Variants in PTCHD1 observed in about 807,000 individuals in gnomAD.
PTCHD1 encodes the protein patched domain-containing protein 1.
Under a neutral mutation model 34.6 loss-of-function variants are expected in PTCHD1, and 3 were observed. The ratio of observed to expected loss-of-function variants is 0.09; its 90% CI spans 0.04 to 0.22. PTCHD1 has a LOEUF of 0.22. Among genes scored for constraint, PTCHD1 ranks in the 10% least tolerant of loss-of-function variants. The pLI, the probability that PTCHD1 is intolerant of heterozygous loss-of-function variation, is 1.00. For missense variants in PTCHD1, 504 were observed against 685.5 expected (o/e 0.74, Z 2.96); for synonymous variants, 305 against 283.1 (o/e 1.08, Z -0.77).
intron 1 of PTCHD1, among the ~76,000 whole-genome samples, chrX:23,339,383 G>A (rs1921251228): frequency 9.0e-6 from 1 of 111,639 alleles, no homozygotes; most frequent in Non-Finnish European, 1.9e-5. Context: ...TTCTTCAGGG[G>A]AAACTCAGAA....
rs191176737 is a variant in PTCHD1 at position 23,382,516 on chromosome X, G to A, written c.1012+2265G>A. 6.2e-5 allele frequency among the ~76,000 whole-genome samples: 7 copies of A among 112,532 alleles called. No homozygotes were observed. The Admixed American group carries it at 6.6e-4, about 11-fold the overall frequency. On this transcript the variant is annotated intron_variant, in intron 2 of 2. Coordinates refer to ENST00000379361, the MANE Select transcript of PTCHD1 (RefSeq NM_173495.3). Reference sequence around the variant, plus strand: ...GAAGGATGTAAGAGATGGTAGGATGGAAAGATGCTGTTAGCAGGGAAATGT... The same window carrying A: ...GAAGGATGTAAGAGATGGTAGGATGAAAAGATGCTGTTAGCAGGGAAATGT...
chrX:23,369,982 C>G (rs1381942157), intron 1 of PTCHD1, among the ~76,000 whole-genome samples: 1 of 112,188 alleles, frequency 8.9e-6, no homozygotes, highest in African/African-American at 3.2e-5. Flanking sequence ...GGAAGTTTCA[C>G]TATTTAAAGG....
At chrX:23,354,118 G>A (rs1243465876) in intron 1 of PTCHD1, among the ~76,000 whole-genome samples, 2 of 111,283 alleles carry the variant, frequency 1.8e-5, no homozygotes, top group South Asian at 3.8e-4. Flanking sequence ...GCTTACAGGG[G>A]CTAGATCAGA....
In PTCHD1 at chrX:23,394,397, CACACACACATAG is replaced by C. The variant is rs1922922313; in HGVS notation, c.*222_*233del. On this transcript the variant is annotated 3_prime_UTR_variant, in exon 3 of 3. Transcript: ENST00000379361. ...AAACAAAGGAGTTGTTATGAGAATT[CACACACACATAG>C]ACACACACACACACACACACACACA... The C allele has an allele frequency of 2.9e-6, 1 of 340,146 alleles. No individual in the cohort carries two copies. The highest frequency in any genetic ancestry group is 5.0e-6 in the Non-Finnish European group (1 of 201,291). The allele number at this position is 340,146 out of a possible 1,213,427, so 28.0% of individuals were successfully genotyped here. A position where few individuals can be genotyped will look rare whatever the true frequency, so the allele number is the denominator to read the frequency against.
chrX:23,370,755 T>G (rs897609232), intron 1 of PTCHD1, among the ~76,000 whole-genome samples: 6 of 112,466 alleles, frequency 5.3e-5, no homozygotes, highest in African/African-American at 1.9e-4. Flanking sequence ...ATTTGTATAT[T>G]TTTTGATTTA....
chrX:23,381,256 A>C (rs73205366), intron 2 of PTCHD1, among the ~76,000 whole-genome samples: 6,667 of 112,113 alleles, frequency 0.059, 228 homozygotes, highest in East Asian at 0.26. Context: ...GGTCAAAACA[A>C]AGCCATAGTG....
At chrX:23,371,032 C>A (rs1252669014) in intron 1 of PTCHD1, among the ~76,000 whole-genome samples, 2 of 111,076 alleles carry the variant, frequency 1.8e-5, no homozygotes, top group East Asian at 2.8e-4. Context: ...AGAACAAACA[C>A]TGACGAAAGC....
At chrX:23,357,877 T>C (rs369801842) in intron 1 of PTCHD1, among the ~76,000 whole-genome samples, 53 of 111,391 alleles carry the variant, frequency 4.8e-4, no homozygotes, top group African/African-American at 1.6e-3. Context: ...TTCTCATTAT[T>C]TAATTCCCAC....
At chrX:23,338,554 T>C (rs182444571) in intron 1 of PTCHD1, among the ~76,000 whole-genome samples, 2 of 112,145 alleles carry the variant, frequency 1.8e-5, no homozygotes, top group East Asian at 5.6e-4. Context: ...TAGGACTTTA[T>C]AGGTTAGAAA....
chrX:23,341,678 G>A (rs146027747), intron 1 of PTCHD1, among the ~76,000 whole-genome samples: 2 of 111,894 alleles, frequency 1.8e-5, no homozygotes, highest in African/African-American at 6.5e-5. Flanking sequence ...CAGCAGGGGA[G>A]GTGAGTAATC....
At chrX:23,342,303 TATATATA>T (rs1219676763) in intron 1 of PTCHD1, among the ~76,000 whole-genome samples, 243 of 10,047 alleles carry the variant, frequency 0.024, 1 homozygote, top group Non-Finnish European at 0.026. Flanking sequence ...TATATATATA[TATATATA>T]TTTTTTTTTT....
intron 1 of PTCHD1, among the ~76,000 whole-genome samples, chrX:23,366,030 A>G (rs1447593290): frequency 1.8e-5 from 2 of 112,401 alleles, no homozygotes; most frequent in Non-Finnish European, 3.8e-5. Context: ...TGCAGCCCAA[A>G]TGTTTAATCA....
intron 1 of PTCHD1, among the ~76,000 whole-genome samples, chrX:23,356,842 G>A (rs1475646076): frequency 9.0e-6 from 1 of 111,648 alleles, no homozygotes; most frequent in East Asian, 2.8e-4. Context: ...TACATTTTCT[G>A]ATTGAGATGG....
rs1427835890 is a variant in PTCHD1 at position 23,398,384 on chromosome X, G to A, written c.*4199G>A. On this transcript the variant is annotated 3_prime_UTR_variant, in exon 3 of 3. Coordinates refer to ENST00000379361, the MANE Select transcript of PTCHD1 (RefSeq NM_173495.3). ...AAATGAAGCTGATCACCACATAGTGGGGCCACTGTAAAGGGGCTGCAAGTC... is the reference window on the plus strand; with the variant it reads ...AAATGAAGCTGATCACCACATAGTGAGGCCACTGTAAAGGGGCTGCAAGTC... 9.0e-6 allele frequency: 1 copy of A among 110,869 alleles called. No homozygotes were observed. The highest frequency in any genetic ancestry group is 1.9e-5 in the Non-Finnish European group (1 of 52,909). 9.1% of individuals were successfully genotyped at this position (110,869 alleles called of 1,213,427 possible). A position where few individuals can be genotyped will look rare whatever the true frequency, so the allele number is the denominator to read the frequency against.
upstream of PTCHD1, chrX:23,334,832 C>G (rs773704617): frequency 9.6e-6 from 9 of 933,774 alleles, no homozygotes; most frequent in Admixed American, 1.6e-4. Context: ...GAACCCGCGC[C>G]GAGCGTGCGC....
intron 1 of PTCHD1, among the ~76,000 whole-genome samples, chrX:23,360,708 T>C (rs1367169348): frequency 9.0e-6 from 1 of 111,566 alleles, no homozygotes; most frequent in Non-Finnish European, 1.9e-5. Flanking sequence ...ATGTCTTTGC[T>C]CTTGCTACTC....
At chrX:23,349,794 T>C (rs1370084882) in intron 1 of PTCHD1, among the ~76,000 whole-genome samples, 4 of 110,049 alleles carry the variant, frequency 3.6e-5, no homozygotes, top group Non-Finnish European at 7.6e-5. Flanking sequence ...ATATAGATAA[T>C]CAGGACAGAG....
At chrX:23,385,387 A>G (rs73205374) in intron 2 of PTCHD1, among the ~76,000 whole-genome samples, 6,933 of 111,075 alleles carry the variant, frequency 0.062, 251 homozygotes, top group East Asian at 0.28. Flanking sequence ...CAGTCAGAGG[A>G]ATACAAAGGG....
intron 1 of PTCHD1, among the ~76,000 whole-genome samples, chrX:23,366,286 C>T (rs1922138024): frequency 8.9e-6 from 1 of 112,007 alleles, no homozygotes; most frequent in South Asian, 3.7e-4. Context: ...GACTGAACTT[C>T]CCAAGACACA....
Sources: gnomAD v4.1 joint callset for allele counts (sites outside exome capture counted in the v4.1 genomes callset) on GRCh38, gnomAD v4.1.1 for gene constraint, MANE v1.5 for transcripts, NCBI Gene and HGNC (gene_info 2026-07-23, HGNC 2026-07-21) for gene names.